The following TTC39B variants were observed in gnomAD, a reference collection of about 807,000 sequenced individuals.
The protein encoded by TTC39B is tetratricopeptide repeat protein 39B.
Under a neutral mutation model 96.6 loss-of-function variants are expected in TTC39B, and 92 were observed. The observed-to-expected ratio is 0.95, with a 90% confidence interval of 0.80 to 1.13. The LOEUF (loss-of-function observed/expected upper bound fraction) is 1.13. Among genes scored for constraint, TTC39B ranks in the 50% most tolerant of loss-of-function variants. The pLI is 0.00. For missense variants in TTC39B, 955 were observed against 809.3 expected (o/e 1.18, Z -2.18); for synonymous variants, 367 against 299.4 (o/e 1.23, Z -2.33).
chr9:15,252,739 C>A (rs573853737), intron 2 of TTC39B, among the ~76,000 whole-genome samples: 1 of 152,178 alleles, frequency 6.6e-6, no homozygotes, highest in South Asian at 2.1e-4. Context: ...GGTTCATAAA[C>A]TGTAACAAAT....
At chr9:15,194,926 G>T (rs996176556) in intron 8 of TTC39B, among the ~76,000 whole-genome samples, 1 of 152,082 alleles carries the variant, frequency 6.6e-6, no homozygotes, top group Admixed American at 6.5e-5. Flanking sequence ...TTGAAATTAG[G>T]CCAGTTGGTA....
chr9:15,230,524 A>C (rs368328693), intron 2 of TTC39B, among the ~76,000 whole-genome samples: 33 of 152,340 alleles, frequency 2.2e-4, no homozygotes, highest in African/African-American at 7.7e-4. Flanking sequence ...GCATGTTTTC[A>C]AGATTCATTC....
At position 15,224,070 on chromosome 9, in the gene TTC39B, A is replaced by G. The variant is rs371951159; in HGVS notation, c.371+1847T>C. ...ACTAGCAAGAAAGATAACTCCCTCA[A>G]TCTTGCTTTCTCTCCTAACACACCC... On this transcript the variant is annotated intron_variant, in intron 3 of 19. Coordinates refer to ENST00000512701, the Ensembl canonical transcript of TTC39B. Among the ~76,000 whole-genome samples, 133 of 152,190 alleles carry G rather than the reference A, an allele frequency of 8.7e-4. 1 individual carries two copies. The highest frequency in any genetic ancestry group is 2.4e-3 in the African/African-American group (99 of 41,538).
In TTC39B at chr9:15,214,330, GTGTGTGTGTGTGTGTGTC is replaced by G. The variant is rs935324824; in HGVS notation, c.372-99_372-82del. On this transcript the variant is annotated intron_variant, in intron 3 of 19. Coordinates refer to ENST00000512701, the Ensembl canonical transcript of TTC39B. Reference sequence around the variant, plus strand: ...GTCCGAAGGGAGTGTGTGTGTGTGTGTGTGTGTGTGTGTGTGTCTGTGTGTGTGTGTCTGTGTGTGTGT... The same window carrying G: ...GTCCGAAGGGAGTGTGTGTGTGTGTGTGTGTGTGTGTGTCTGTGTGTGTGT... 7 of 836,774 alleles carry G rather than the reference GTGTGTGTGTGTGTGTGTC, an allele frequency of 8.4e-6. No individual in the cohort carries two copies. The African/African-American group carries it at 9.3e-5, about 11-fold the overall frequency. 51.8% of individuals were successfully genotyped at this position (836,774 alleles called of 1,614,324 possible).
chr9:15,304,466 C>T (rs928873814), intron 1 of TTC39B, among the ~76,000 whole-genome samples: 13 of 152,116 alleles, frequency 8.5e-5, no homozygotes, highest in Non-Finnish European at 1.2e-4. Flanking sequence ...CTTCTATGCT[C>T]CCGAATTTAT....
At chr9:15,207,479 CTT>C (rs1320395083) in intron 6 of TTC39B, among the ~76,000 whole-genome samples, 1 of 152,132 alleles carries the variant, frequency 6.6e-6, no homozygotes, top group Non-Finnish European at 1.5e-5. Flanking sequence ...CCCTTCTCTA[CTT>C]GCCTATAGGA....
chr9:15,259,907 G>C (rs1354235195), intron 2 of TTC39B, among the ~76,000 whole-genome samples: 1 of 152,152 alleles, frequency 6.6e-6, no homozygotes, highest in Non-Finnish European at 1.5e-5. Context: ...GAGGGTGACA[G>C]AAATTAGATT....
intron 2 of TTC39B, among the ~76,000 whole-genome samples, chr9:15,233,131 G>A (rs1028280411): frequency 7.9e-5 from 12 of 152,222 alleles, no homozygotes; most frequent in African/African-American, 2.9e-4. Flanking sequence ...ATAACACCAG[G>A]GTGTAGCCCT....
At chr9:15,209,342 G>T (rs191542995) in intron 6 of TTC39B, among the ~76,000 whole-genome samples, 1 of 152,094 alleles carries the variant, frequency 6.6e-6, no homozygotes. Context: ...TCAGGGTGCC[G>T]CAGCCAGCCA....
chr9:15,264,960 G>A (rs1823077546), intron 2 of TTC39B, among the ~76,000 whole-genome samples: 1 of 151,854 alleles, frequency 6.6e-6, no homozygotes, highest in Non-Finnish European at 1.5e-5. Context: ...GCAAACACAG[G>A]CATCTAGATC....
intron 2 of TTC39B, among the ~76,000 whole-genome samples, chr9:15,258,230 GGA>G (rs995514040): frequency 2.0e-5 from 3 of 152,066 alleles, no homozygotes; most frequent in Non-Finnish European, 2.9e-5. Context: ...GTAATAGAGC[GGA>G]GAGAGAGGAA....
intron 2 of TTC39B, among the ~76,000 whole-genome samples, chr9:15,244,096 C>A (rs1250149351): frequency 6.6e-6 from 1 of 152,206 alleles, no homozygotes; most frequent in Non-Finnish European, 1.5e-5. Context: ...GCAAATCAGA[C>A]TCCTTCACAT....
At chr9:15,269,644 G>A (rs1253346933) in intron 1 of TTC39B, among the ~76,000 whole-genome samples, 8 of 151,984 alleles carry the variant, frequency 5.3e-5, no homozygotes, top group African/African-American at 2.4e-5. Context: ...ACAAGGTCAG[G>A]AGTTGGAGAC....
At chr9:15,307,035 C>G (rs775365239) in intron 1 of TTC39B, 49 bp downstream of exon 1, 6 of 1,593,476 alleles carry the variant, frequency 3.8e-6, no homozygotes, top group South Asian at 1.1e-5. Flanking sequence ...CTCCCGGACT[C>G]CTGTCCAGGG....
chr9:15,282,637 CT>C (rs1563786842), intron 1 of TTC39B, among the ~76,000 whole-genome samples: 1 of 152,154 alleles, frequency 6.6e-6, no homozygotes, highest in Non-Finnish European at 1.5e-5. Context: ...CTCTACAACA[CT>C]CTATGAGCCA....
At chr9:15,305,794 T>C (rs1824735914) in intron 1 of TTC39B, among the ~76,000 whole-genome samples, 1 of 151,528 alleles carries the variant, frequency 6.6e-6, no homozygotes. Flanking sequence ...CCAGTGTTAA[T>C]TAATAATAGC....
chr9:15,301,927 T>A (rs1025497053), intron 1 of TTC39B, among the ~76,000 whole-genome samples: 2 of 152,298 alleles, frequency 1.3e-5, no homozygotes, highest in Admixed American at 6.5e-5. Context: ...TCCTAGTCAG[T>A]GTCTTAATTT....
In TTC39B at chr9:15,250,115, G is replaced by A. The variant is rs1586957471; in HGVS notation, c.275+17799C>T. The A allele has an allele frequency of 4.0e-6, 5 of 1,248,252 alleles. No individual in the cohort carries two copies. The African/African-American group carries it at 7.8e-5, about 20-fold the overall frequency. The allele number at this position is 1,248,252 out of a possible 1,614,324, so 77.3% of individuals were successfully genotyped here. The stretch of plus-strand genomic sequence containing the variant: ...CTCTCAATTCTCAGGCACAAGCAAA[G>A]TAGTTGCCGAGGCAGCTGACAGCAT... On this transcript the variant is annotated intron_variant, in intron 2 of 19. Coordinates refer to ENST00000512701, the Ensembl canonical transcript of TTC39B.
chr9:15,163,710 A>T (rs143398784), exon 20 of TTC39B: 31 of 152,356 alleles, frequency 2.0e-4, no homozygotes, highest in African/African-American at 7.2e-4. Flanking sequence ...AATTTTGAGA[A>T]AATCTGGCAA....
Sources: gnomAD v4.1 joint callset for allele counts (sites outside exome capture counted in the v4.1 genomes callset) on GRCh38, gnomAD v4.1.1 for gene constraint, MANE v1.5 for transcripts, NCBI Gene and HGNC (gene_info 2026-07-23, HGNC 2026-07-21) for gene names.